The following MAGI2 variants were observed in gnomAD, a reference collection of about 807,000 sequenced individuals.
The protein encoded by MAGI2 is membrane associated guanylate kinase, WW and PDZ domain containing 2, also known as membrane-associated guanylate kinase, WW and PDZ domain-containing protein 2.
In MAGI2, 35 loss-of-function variants were observed where a neutral mutation model predicts 133.3. That is an observed-to-expected ratio of 0.26 (90% CI 0.20 to 0.35). MAGI2 has a LOEUF of 0.35. Among genes scored for constraint, MAGI2 ranks in the 10% least tolerant of loss-of-function variants. The pLI, the probability that MAGI2 is intolerant of heterozygous loss-of-function variation, is 1.00. For missense variants in MAGI2, 1,636 were observed against 1,863.4 expected, an observed-to-expected ratio of 0.88 and a Z score of 2.25; for synonymous variants, 729 against 710.6, an observed-to-expected ratio of 1.03 and a Z score of -0.41.
chr7:78,182,251 G>C (rs1483469054), intron 13 of MAGI2, among the ~76,000 whole-genome samples: 1 of 152,166 alleles, frequency 6.6e-6, no homozygotes, highest in Non-Finnish European at 1.5e-5. Context: ...ATTAAACATG[G>C]TCTTGACTTC....
intron 2 of MAGI2, among the ~76,000 whole-genome samples, chr7:78,801,609 A>AG (rs1390045757): frequency 8.6e-6 from 1 of 116,410 alleles, no homozygotes; most frequent in African/African-American, 2.7e-5. Flanking sequence ...AATAATAAAA[A>AG]GGGTTTTTTT....
At chr7:78,734,531 C>G (rs776492295) in intron 2 of MAGI2, among the ~76,000 whole-genome samples, 5 of 152,164 alleles carry the variant, frequency 3.3e-5, no homozygotes, top group South Asian at 2.1e-4. Context: ...ATTCCTTTGT[C>G]AAGTGAATTT....
intron 2 of MAGI2, among the ~76,000 whole-genome samples, chr7:78,732,258 A>C (rs1378393213): frequency 6.6e-6 from 1 of 152,110 alleles, no homozygotes; most frequent in African/African-American, 2.4e-5. Flanking sequence ...AGAATGGCCT[A>C]TATTTCATCA....
At chr7:79,258,377 T>A (rs937024188) in intron 1 of MAGI2, among the ~76,000 whole-genome samples, 4 of 152,206 alleles carry the variant, frequency 2.6e-5, no homozygotes, top group African/African-American at 9.6e-5. Context: ...GAAAAAACTT[T>A]ATACAGACAC....
At chr7:78,414,812 C>T (rs1583985837) in intron 6 of MAGI2, among the ~76,000 whole-genome samples, 2 of 151,986 alleles carry the variant, frequency 1.3e-5, no homozygotes, top group African/African-American at 2.4e-5. Context: ...TTAAAACTAA[C>T]CTTGTTTAAA....
At chr7:79,209,346 C>T (rs1829312938) in intron 1 of MAGI2, among the ~76,000 whole-genome samples, 1 of 151,934 alleles carries the variant, frequency 6.6e-6, no homozygotes, top group Admixed American at 6.6e-5. Flanking sequence ...AGTGATTACA[C>T]ATAAAGTGTT....
chr7:78,540,490 C>T (rs2150666700), intron 3 of MAGI2, among the ~76,000 whole-genome samples: 1 of 152,234 alleles, frequency 6.6e-6, no homozygotes, highest in Admixed American at 6.5e-5. Flanking sequence ...GACATCTTGC[C>T]CCAGGCGACA....
intron 20 of MAGI2, among the ~76,000 whole-genome samples, chr7:78,121,907 A>T (rs752017362): frequency 6.6e-6 from 1 of 152,248 alleles, no homozygotes; most frequent in Non-Finnish European, 1.5e-5. Flanking sequence ...AACTTATAGC[A>T]GTGAAAAATA....
intron 2 of MAGI2, among the ~76,000 whole-genome samples, chr7:78,970,172 A>T (rs1006607256): frequency 2.0e-5 from 3 of 151,942 alleles, no homozygotes; most frequent in Admixed American, 6.6e-5. Flanking sequence ...CTAGATTATT[A>T]AATCCTTGTA....
intron 2 of MAGI2, among the ~76,000 whole-genome samples, chr7:78,890,483 C>A (rs1424845341): frequency 6.6e-6 from 1 of 152,170 alleles, no homozygotes; most frequent in East Asian, 1.9e-4. Context: ...GGAAGTAAAG[C>A]AGTCCTCAGC....
At chr7:79,433,568 T>A (rs994840231) in intron 1 of MAGI2, among the ~76,000 whole-genome samples, 2 of 150,968 alleles carry the variant, frequency 1.3e-5, no homozygotes, top group Admixed American at 6.6e-5. Context: ...AAAAAAAAAA[T>A]TGTTTCTTGT....
intron 1 of MAGI2, among the ~76,000 whole-genome samples, chr7:79,240,426 G>C (rs1213482326): frequency 1.3e-5 from 2 of 151,868 alleles, no homozygotes; most frequent in Non-Finnish European, 2.9e-5. Flanking sequence ...CCTCCTGTTA[G>C]TGACAATTTA....
At chr7:78,369,297 G>A (rs1385596814) in intron 6 of MAGI2, 84 bp from the exon 7 acceptor site, 6 of 970,602 alleles carry the variant, frequency 6.2e-6, no homozygotes, top group African/African-American at 3.3e-5. Flanking sequence ...TTCATGGATT[G>A]CAGAAATGGT....
chr7:78,418,710 C>T (rs1402187017), intron 6 of MAGI2, among the ~76,000 whole-genome samples: 2 of 152,086 alleles, frequency 1.3e-5, no homozygotes, highest in Admixed American at 1.3e-4. Flanking sequence ...CTGATGATTA[C>T]TGTTTGATGG....
intron 2 of MAGI2, among the ~76,000 whole-genome samples, chr7:78,659,842 A>T (rs919911328): frequency 6.6e-6 from 1 of 152,310 alleles, no homozygotes; most frequent in African/African-American, 2.4e-5. Context: ...ACTACATGAG[A>T]ATCTCCAATT....
chr7:78,667,606 G>A (rs1813774575), intron 2 of MAGI2, among the ~76,000 whole-genome samples: 1 of 129,526 alleles, frequency 7.7e-6, no homozygotes, highest in African/African-American at 2.9e-5. Context: ...TGTTCTCATT[G>A]TTCAATTCCC....
chr7:79,394,225 CT>C (rs1422217120), intron 1 of MAGI2, among the ~76,000 whole-genome samples: 1 of 152,142 alleles, frequency 6.6e-6, no homozygotes, highest in Non-Finnish European at 1.5e-5. Flanking sequence ...GAAGTGAACT[CT>C]CCTGAACATG....
intron 2 of MAGI2, among the ~76,000 whole-genome samples, chr7:78,727,718 C>A (rs1174192367): frequency 6.6e-6 from 1 of 152,230 alleles, no homozygotes; most frequent in Non-Finnish European, 1.5e-5. Flanking sequence ...GACAGCTAAT[C>A]ACATCAGGCT....
chr7:78,671,160 A>C (rs1814336691), intron 2 of MAGI2, among the ~76,000 whole-genome samples: 1 of 152,032 alleles, frequency 6.6e-6, no homozygotes, highest in Non-Finnish European at 1.5e-5. Context: ...ATTATTTCCA[A>C]ATTTGGTTAT....
Sources: gnomAD v4.1 joint callset for allele counts (sites outside exome capture counted in the v4.1 genomes callset) on GRCh38, gnomAD v4.1.1 for gene constraint, MANE v1.5 for transcripts, NCBI Gene and HGNC (gene_info 2026-07-23, HGNC 2026-07-21) for gene names.